Variants in NFATC3 observed in about 807,000 individuals in gnomAD.
The protein encoded by NFATC3 is nuclear factor of activated T cells 3, also known as nuclear factor of activated T-cells, cytoplasmic 3.
In NFATC3, 46 loss-of-function variants were observed where a neutral mutation model predicts 98.6. The observed-to-expected ratio is 0.47, with a 90% CI of 0.37 to 0.60. NFATC3 has a LOEUF of 0.60. NFATC3 is among the 20% of genes least tolerant of loss of function. NFATC3 has a pLI of 0.00. For missense variants in NFATC3, 1,256 were observed against 1,295.5 expected (o/e 0.97, Z 0.47); for synonymous variants, 512 against 472.2 (o/e 1.08, Z -1.09).
intron 9 of NFATC3, among the ~76,000 whole-genome samples, chr16:68,211,133 G>A (rs2041370366): frequency 1.3e-5 from 2 of 151,888 alleles, no homozygotes; most frequent in Admixed American, 1.3e-4. Flanking sequence ...TAATGAGTTA[G>A]GAAGTGTTTC....
chr16:68,171,417 C>T (rs2039453751), intron 5 of NFATC3, among the ~76,000 whole-genome samples: 1 of 151,752 alleles, frequency 6.6e-6, no homozygotes, highest in Non-Finnish European at 1.5e-5. Flanking sequence ...TTTCTGAGAT[C>T]TAGGTTGGTG....
Position 68,167,017 on chromosome 16 carries a change from T to G in NFATC3, c.1774+2T>G. The G allele has an allele frequency of 6.2e-7, 1 of 1,607,784 alleles. No homozygotes were observed. The highest frequency in any genetic ancestry group is 8.5e-7 in the Non-Finnish European group (1 of 1,177,436). On this transcript the variant is annotated splice_donor_variant, in intron 5 of 9. Transcript: ENST00000346183. LOFTEE classifies it high-confidence loss of function. ...TAGCCTCTATACCCGTTGAGTGCTG[T>G]AAGTGAGCTTGTGATGATGTTTTAA... is the stretch of plus-strand genomic sequence containing the variant.
rs11864259 is a variant in NFATC3 at position 68,151,487 on chromosome 16, G to A, written c.1402-6382G>A. Among the ~76,000 whole-genome samples, 979 of 152,088 alleles carry A rather than the reference G, an allele frequency of 6.4e-3. 12 individuals are homozygous for A. The highest frequency in any genetic ancestry group is 0.022 in the African/African-American group (924 of 41,468). On this transcript the variant is annotated intron_variant, in intron 3 of 9. Coordinates refer to ENST00000346183, the MANE Select transcript of NFATC3 (RefSeq NM_173165.3). The stretch of plus-strand genomic sequence containing the variant: ...ATGTATCTTAAAATTGCATCTTTTG[G>A]GGGTATTAATATATACTAAGGAGTT...
At chr16:68,140,431 TAGC>T (rs1431023853) in intron 3 of NFATC3, among the ~76,000 whole-genome samples, 2 of 152,176 alleles carry the variant, frequency 1.3e-5, no homozygotes, top group Admixed American at 1.3e-4. Context: ...CAGAAGCCAC[TAGC>T]TACACGTGGA....
At chr16:68,165,786 G>C (rs970942462) in intron 4 of NFATC3, among the ~76,000 whole-genome samples, 1 of 152,220 alleles carries the variant, frequency 6.6e-6, no homozygotes, top group African/African-American at 2.4e-5. Flanking sequence ...GGTTGGAACT[G>C]TTGATAGATC....
rs373796924 is a variant in NFATC3, at chr16:68,191,216, G to A, written c.2547G>A (p.Leu849=). 2.5e-6 allele frequency: 4 copies of A among 1,614,150 alleles called. No homozygotes were observed. The highest frequency in any genetic ancestry group is 3.4e-6 in the Non-Finnish European group (4 of 1,180,024). ...TAGTGAATCTTGGCTGTCAACCACT[G>A]TCATCCATACCATTTCATTCTTCAA... ...SGLVNLGCQP[L]SSIPFHSSNS... is the part of the protein sequence containing the mutation. Residue 849 remains leucine, a synonymous_variant, in exon 9 of 10, where the codon CTG becomes CTA. Coordinates refer to ENST00000346183, the MANE Select transcript of NFATC3 (RefSeq NM_173165.3).
intron 5 of NFATC3, among the ~76,000 whole-genome samples, chr16:68,168,972 A>G (rs1413350370): frequency 6.6e-6 from 1 of 152,168 alleles, no homozygotes; most frequent in African/African-American, 2.4e-5. Context: ...CTTTGTATAG[A>G]TAGGGTCTCA....
At chr16:68,217,181 C>T (rs2041669638) in intron 9 of NFATC3, among the ~76,000 whole-genome samples, 1 of 151,946 alleles carries the variant, frequency 6.6e-6, no homozygotes, top group African/African-American at 2.4e-5. Flanking sequence ...CCTGTAATCC[C>T]AACACTTTGG....
intron 9 of NFATC3, among the ~76,000 whole-genome samples, chr16:68,211,333 A>T (rs1276356694): frequency 2.0e-5 from 3 of 150,460 alleles, no homozygotes; most frequent in Non-Finnish European, 4.4e-5. Flanking sequence ...GATTACAGGC[A>T]CTCACCACTA....
At position 68,182,560 on chromosome 16, in the gene NFATC3, G is replaced by A. The variant is rs759735474; in HGVS notation, c.1972-680G>A. Among the ~76,000 whole-genome samples, 11 of 151,800 alleles carry A rather than the reference G, an allele frequency of 7.2e-5. 1 individual carries two copies. Among genetic ancestry groups the A allele is most frequent in the African/African-American group, 2.4e-4 (10 of 41,298 alleles). On this transcript the variant is annotated intron_variant, in intron 7 of 9. Transcript: ENST00000346183. ...TTTTTAGATGGAGTCTAGCTCTGTC[G>A]TGCAGGCTGGAGTGCAGTGGTGTAG...
rs150362501 is a variant in NFATC3, at chr16:68,130,061, C to T, written c.1401+3451C>T. Among the ~76,000 whole-genome samples the T allele has an allele frequency of 3.2e-3, 491 of 152,266 alleles. 2 individuals carry two copies. Among genetic ancestry groups the T allele is most frequent in the Admixed American group, 6.5e-3 (100 of 15,276 alleles). ...AGAAATCCATTCATCCACTGACGAA[C>T]ACTTATTTTGGTTCCATATCTTGGC... is the stretch of plus-strand genomic sequence containing the variant. On this transcript the variant is annotated intron_variant, in intron 3 of 9. Transcript: ENST00000346183.
intron 3 of NFATC3, among the ~76,000 whole-genome samples, chr16:68,149,576 TATATCTAACCTTG>T (rs1259161380): frequency 9.2e-5 from 14 of 152,264 alleles, no homozygotes; most frequent in African/African-American, 3.4e-4. Context: ...CAAAAGATAA[TATATCTAACCTTG>T]AAAAACATTA....
Position 68,226,915 on chromosome 16 carries a change from AAAAAAAAAGAAAAAAAAAG to A in NFATC3, c.*449_*467del, listed in dbSNP as rs2042049447. On this transcript the variant is annotated 3_prime_UTR_variant, in exon 10 of 10. Coordinates refer to ENST00000346183, the MANE Select transcript of NFATC3 (RefSeq NM_173165.3). ...CTAGAAGCAAAAAAAAAAAAAAAAA[AAAAAAAAAGAAAAAAAAAG>A]AAAAGAAAAAAAGAAAAAGAAAAAA... The A allele has an allele frequency of 8.5e-6, 1 of 117,806 alleles. No individual in the cohort carries two copies. Among genetic ancestry groups the A allele is most frequent in the African/African-American group, 2.6e-5 (1 of 38,316 alleles). The allele number at this position is 117,806 out of a possible 1,614,324, so 7.3% of individuals were successfully genotyped here. A position where few individuals can be genotyped will look rare whatever the true frequency, so the allele number is the denominator to read the frequency against.
At chr16:68,179,082 C>T (rs577447481) in intron 6 of NFATC3, among the ~76,000 whole-genome samples, 29 of 152,234 alleles carry the variant, frequency 1.9e-4, no homozygotes, top group Admixed American at 1.7e-3. Flanking sequence ...TGTCATCTTG[C>T]CTGTGCTCAT....
At chr16:68,153,832 C>T (rs1002945375) in intron 3 of NFATC3, among the ~76,000 whole-genome samples, 8 of 152,002 alleles carry the variant, frequency 5.3e-5, no homozygotes, top group Non-Finnish European at 8.8e-5. Context: ...CCAGGATGGT[C>T]TCGATCTCCT....
chr16:68,148,249 C>A (rs1400155466), intron 3 of NFATC3, among the ~76,000 whole-genome samples: 4 of 152,086 alleles, frequency 2.6e-5, no homozygotes, highest in Non-Finnish European at 1.5e-5. Context: ...CTCCCGACCT[C>A]GGGTGATCCA....
chr16:68,163,258 C>T (rs1331655167), intron 4 of NFATC3, among the ~76,000 whole-genome samples: 2 of 152,074 alleles, frequency 1.3e-5, no homozygotes, highest in Non-Finnish European at 1.5e-5. Flanking sequence ...TTGGGTACAC[C>T]TCCCAGACGG....
intron 3 of NFATC3, among the ~76,000 whole-genome samples, chr16:68,147,403 A>G (rs2038092082): frequency 6.6e-6 from 1 of 152,204 alleles, no homozygotes; most frequent in Non-Finnish European, 1.5e-5. Context: ...TCTTTTAGAA[A>G]TAATGTATTG....
Position 68,166,771 on chromosome 16 carries a change from TTC to T in NFATC3, c.1602-70_1602-69del, listed in dbSNP as rs1265127654. On this transcript the variant is annotated intron_variant, in intron 4 of 9. Transcript: ENST00000346183. The stretch of plus-strand genomic sequence containing the variant: ...AGTTTTTTTCTGACAAATTAACAAT[TTC>T]TATGTAGTTGAGTTGTTTATAACCA... 14 of 1,209,424 alleles carry T rather than the reference TTC, an allele frequency of 1.2e-5. No individual in the cohort carries two copies. In the East Asian group the frequency reaches 2.8e-4, roughly 24 times the overall value. 74.9% of individuals were successfully genotyped at this position (1,209,424 alleles called of 1,614,324 possible).
Sources: allele counts gnomAD v4.1 joint callset (sites outside exome capture counted in the v4.1 genomes callset), GRCh38; gene constraint gnomAD v4.1.1; transcripts MANE v1.5; gene names NCBI Gene and HGNC (gene_info 2026-07-23, HGNC 2026-07-21).